The following ETV1 variants were observed in gnomAD, a reference collection of about 807,000 sequenced individuals.
The protein encoded by ETV1 is ETS variant transcription factor 1, also known as ETS translocation variant 1.
Under a neutral mutation model 62.3 loss-of-function variants are expected in ETV1, and 27 were observed. The ratio of observed to expected loss-of-function variants is 0.43; its 90% confidence interval spans 0.32 to 0.60. The LOEUF is 0.60. ETV1 is among the 20% of genes least tolerant of loss of function. The pLI is 0.06. For synonymous variants in ETV1, 222 were observed against 199.6 expected, an observed-to-expected ratio of 1.11 and a Z score of -0.94; for missense variants, 605 against 605.8, an observed-to-expected ratio of 1.00 and a Z score of 0.01.
chr7:13,931,467 G>A, intron 9 of ETV1, 35 bp downstream of exon 9: 1 of 1,612,554 alleles, frequency 6.2e-7, no homozygotes, highest in Non-Finnish European at 8.5e-7. Flanking sequence ...GTGAAAAAGT[G>A]CCTTGAATGT....
intron 12 of ETV1, among the ~76,000 whole-genome samples, chr7:13,901,321 C>A (rs1185390088): frequency 6.6e-6 from 1 of 152,034 alleles, no homozygotes; most frequent in Non-Finnish European, 1.5e-5. Flanking sequence ...GCATTTTAAA[C>A]CAGGCGTGCA....
chr7:13,989,461 G>C lies in ETV1; in HGVS notation c.-281C>G, dbSNP rs549288430. 1.7e-5 allele frequency: 7 copies of C among 408,820 alleles called. No individual in the cohort carries two copies. Among genetic ancestry groups the C allele is most frequent in the South Asian group, 1.1e-4 (1 of 9,130 alleles). The allele number at this position is 408,820 out of a possible 1,614,324, so 25.3% of individuals were successfully genotyped here. Reference sequence around the variant, plus strand: ...CAACGAGACTTGCTTTGCACCTAACGGGACTAAAGAGACGGAGACACCTCT... The same window carrying C: ...CAACGAGACTTGCTTTGCACCTAACCGGACTAAAGAGACGGAGACACCTCT... On this transcript the variant is annotated 5_prime_UTR_variant, in exon 2 of 14. Transcript: ENST00000430479.
intron 3 of ETV1, chr7:13,988,733 G>A (rs1297576313): frequency 1.2e-6 from 2 of 1,612,522 alleles, no homozygotes; most frequent in Non-Finnish European, 1.7e-6. Context: ...GAGTGCAGCA[G>A]CTGCTGCTGC....
intron 6 of ETV1, among the ~76,000 whole-genome samples, chr7:13,960,892 T>C (rs1190622447): frequency 1.3e-5 from 2 of 152,286 alleles, no homozygotes; most frequent in South Asian, 2.1e-4. Context: ...GGCTAATGCC[T>C]ACAATGCCAA....
intron 6 of ETV1, among the ~76,000 whole-genome samples, chr7:13,940,127 C>T (rs951472173): frequency 6.6e-6 from 1 of 152,092 alleles, no homozygotes; most frequent in African/African-American, 2.4e-5. Context: ...CTTTGGGAGG[C>T]CGAGGCAAGT....
chr7:13,978,098 C>T (rs1476590365), intron 5 of ETV1, among the ~76,000 whole-genome samples: 1 of 152,010 alleles, frequency 6.6e-6, no homozygotes, highest in African/African-American at 2.4e-5. Context: ...TTCACATTAA[C>T]AAAATAACAA....
chr7:13,967,679 T>C (rs1275142757), intron 6 of ETV1, among the ~76,000 whole-genome samples: 3 of 152,074 alleles, frequency 2.0e-5, no homozygotes, highest in African/African-American at 7.2e-5. Context: ...CTTAAATACA[T>C]GTTTATTATG....
chr7:13,970,321 CACACAA>C (rs1372269445), intron 6 of ETV1, among the ~76,000 whole-genome samples: 5 of 112,054 alleles, frequency 4.5e-5, no homozygotes, highest in African/African-American at 1.3e-4. Flanking sequence ...CACACACACA[CACACAA>C]AGCAGCAACT....
intron 9 of ETV1, among the ~76,000 whole-genome samples, chr7:13,915,325 T>C (rs541249340): frequency 2.6e-4 from 39 of 152,216 alleles, no homozygotes; most frequent in Non-Finnish European, 4.7e-4. Flanking sequence ...GAAATTATCA[T>C]ATACTCAGTA....
At chr7:13,968,410 A>G (rs1050827724) in intron 6 of ETV1, among the ~76,000 whole-genome samples, 1 of 151,850 alleles carries the variant, frequency 6.6e-6, no homozygotes, top group African/African-American at 2.4e-5. Context: ...ATGTACCTTA[A>G]CAAGAATAAA....
At chr7:13,920,031 AT>A (rs941869941) in intron 9 of ETV1, among the ~76,000 whole-genome samples, 10 of 152,134 alleles carry the variant, frequency 6.6e-5, no homozygotes, top group Non-Finnish European at 1.0e-4. Flanking sequence ...GGGCCTAAAT[AT>A]CCTGGTTGTT....
chr7:13,896,859 A>T (rs758082481), intron 13 of ETV1, among the ~76,000 whole-genome samples: 3 of 152,184 alleles, frequency 2.0e-5, no homozygotes, highest in Non-Finnish European at 4.4e-5. Flanking sequence ...TCACTTTTAA[A>T]AATGAAGGCA....
At chr7:13,916,282 T>C (rs973642076) in intron 9 of ETV1, among the ~76,000 whole-genome samples, 5 of 152,164 alleles carry the variant, frequency 3.3e-5, no homozygotes, top group African/African-American at 1.2e-4. Flanking sequence ...GGGAGAAATA[T>C]GTTAATTTTT....
intron 3 of ETV1, 101 bp downstream of exon 3, chr7:13,988,907 G>C (rs1782814651): frequency 6.6e-7 from 1 of 1,516,802 alleles, no homozygotes; most frequent in African/African-American, 1.4e-5. Context: ...ATAAGTATCT[G>C]CAATCCCAAC....
rs530720367 is a variant in ETV1, at chr7:13,973,372, G to T, written c.235+4055C>A. ...CAGTTTCTTTCTCTTTCTAGAGATA[G>T]ATCCCTCTGCCCCCACTAAGCATAC... On this transcript the variant is annotated intron_variant, in intron 6 of 13. Coordinates refer to ENST00000430479, the MANE Select transcript of ETV1 (RefSeq NM_004956.5). Among the ~76,000 whole-genome samples, 253 of 152,236 alleles carry T rather than the reference G, an allele frequency of 1.7e-3. 2 individuals carry two copies. The highest frequency in any genetic ancestry group is 5.9e-3 in the African/African-American group (246 of 41,536).
upstream of ETV1, chr7:13,989,672 A>T (rs1388818540): frequency 1.8e-5 from 7 of 398,828 alleles, no homozygotes; most frequent in African/African-American, 4.1e-5. Context: ...CCTCTGACAG[A>T]GCTCAATTCG....
intron 8 of ETV1, among the ~76,000 whole-genome samples, chr7:13,934,830 T>A (rs1229312356): frequency 6.6e-6 from 1 of 152,240 alleles, no homozygotes; most frequent in East Asian, 1.9e-4. Context: ...ATGAAAGCAA[T>A]ATGTACATCA....
At chr7:13,896,749 A>AAAGAAAGAAAGAAAG (rs1781854369) in intron 13 of ETV1, among the ~76,000 whole-genome samples, 1 of 138,138 alleles carries the variant, frequency 7.2e-6, no homozygotes, top group Admixed American at 7.1e-5. Flanking sequence ...GAAAGGAAAG[A>AAAGAAAGAAAGAAAG]AAGAAAGAAA....
At chr7:13,912,553 T>C (rs1316409326) in intron 9 of ETV1, among the ~76,000 whole-genome samples, 1 of 152,192 alleles carries the variant, frequency 6.6e-6, no homozygotes, top group Non-Finnish European at 1.5e-5. Flanking sequence ...AGAATCTCCA[T>C]TACACTTCCA....
Sources: allele counts gnomAD v4.1 joint callset (sites outside exome capture counted in the v4.1 genomes callset), GRCh38; gene constraint gnomAD v4.1.1; transcripts MANE v1.5; gene names NCBI Gene and HGNC (gene_info 2026-07-23, HGNC 2026-07-21).